The following PPP2R5C variants were observed in gnomAD, a reference collection of about 807,000 sequenced individuals.
The protein encoded by PPP2R5C is protein phosphatase 2 regulatory subunit B'gamma.
PPP2R5C carries 7 observed loss-of-function variants against 68.9 expected under a neutral mutation model. The ratio of observed to expected loss-of-function variants is 0.10; its 90% CI spans 0.06 to 0.19. The LOEUF is 0.19. PPP2R5C is among the 10% of genes least tolerant of loss of function. The pLI is 1.00. For missense variants in PPP2R5C, 348 were observed against 641.3 expected (o/e 0.54, Z 4.94); for synonymous variants, 210 against 222.2 (o/e 0.95, Z 0.49).
chr14:101,804,115 G>A (rs1043299466), intron 3 of PPP2R5C, among the ~76,000 whole-genome samples: 4 of 152,198 alleles, frequency 2.6e-5, no homozygotes, highest in African/African-American at 9.7e-5. Flanking sequence ...ACAGGCCTAT[G>A]AAAAGGTGCT....
chr14:101,830,767 C>T (rs2040687416), intron 1 of PPP2R5C, among the ~76,000 whole-genome samples: 1 of 152,118 alleles, frequency 6.6e-6, no homozygotes. Flanking sequence ...TCAGTTTCAT[C>T]CAGCAAGGAA....
At position 101,877,247 on chromosome 14, in the gene PPP2R5C, C is replaced by T. The variant is rs1251961056; in HGVS notation, c.295-4914C>T. Among the ~76,000 whole-genome samples, 1 of 152,200 alleles carries T rather than the reference C, an allele frequency of 6.6e-6. No individual in the cohort carries two copies. The highest frequency in any genetic ancestry group is 1.9e-4 in the East Asian group (1 of 5,186). On this transcript the variant is annotated intron_variant, in intron 2 of 13. Transcript: ENST00000334743. The surrounding 1 kb of genome is among the most constrained non-coding windows in gnomAD (Gnocchi z 4.2). ...TACAGGCATGAGTCACCGCGCCTGG[C>T]CTTTACCCTTTCCAATGGAGGAGAA...
intron 10 of PPP2R5C, among the ~76,000 whole-genome samples, chr14:101,907,721 C>T (rs1285640475): frequency 1.3e-5 from 2 of 152,176 alleles, no homozygotes; most frequent in East Asian, 3.9e-4. Context: ...CCGGTGCGGT[C>T]TCCTAACTCG....
chr14:101,868,906 TTTTGTTTGTTTG>T (rs543692887), intron 2 of PPP2R5C, among the ~76,000 whole-genome samples: 3 of 151,930 alleles, frequency 2.0e-5, no homozygotes, highest in African/African-American at 7.3e-5. Context: ...TTTCTTTTGG[TTTTGTTTGTTTG>T]TTTGTTTGTT....
At chr14:101,810,732 A>G (rs2039312283) in intron 1 of PPP2R5C, among the ~76,000 whole-genome samples, 1 of 152,210 alleles carries the variant, frequency 6.6e-6, no homozygotes, top group African/African-American at 2.4e-5. Context: ...AGGTATATAG[A>G]GATCACTGTT....
intron 13 of PPP2R5C, chr14:101,921,915 A>C: frequency 1.1e-6 from 1 of 901,302 alleles, no homozygotes; most frequent in Non-Finnish European, 1.3e-6. Flanking sequence ...AAAGAAAACT[A>C]GCAAATATCA....
At chr14:101,885,083 G>A (rs1158137737) in intron 5 of PPP2R5C, among the ~76,000 whole-genome samples, 1 of 152,216 alleles carries the variant, frequency 6.6e-6, no homozygotes, top group African/African-American at 2.4e-5. Flanking sequence ...CGGTATGATG[G>A]CGTGTCTCTG....
chr14:101,857,843 AT>A (rs558100430), intron 2 of PPP2R5C, among the ~76,000 whole-genome samples: 1 of 151,740 alleles, frequency 6.6e-6, no homozygotes. Context: ...TAAGTTACTG[AT>A]TTTTTTTTCC....
chr14:101,912,321 C>A, intron 11 of PPP2R5C, 80 bp from the exon 14 acceptor site: 1 of 1,260,180 alleles, frequency 7.9e-7, no homozygotes, highest in Non-Finnish European at 1.1e-6. Flanking sequence ...CTGGGCTCAA[C>A]ATGCCTGTGC....
intron 2 of PPP2R5C, among the ~76,000 whole-genome samples, chr14:101,860,744 G>A (rs576986772): frequency 6.6e-6 from 1 of 152,268 alleles, no homozygotes; most frequent in Admixed American, 6.5e-5. Context: ...ACCTCATTGT[G>A]GTTTTGATGT....
chr14:101,773,194 G>T (rs371202145), intron 2 of PPP2R5C, among the ~76,000 whole-genome samples: 4 of 152,200 alleles, frequency 2.6e-5, no homozygotes, highest in Non-Finnish European at 4.4e-5. Flanking sequence ...CAGAAGTGGA[G>T]TGTGGAGCTG....
chr14:101,787,605 T>C (rs978899656), intron 3 of PPP2R5C, among the ~76,000 whole-genome samples: 1 of 151,644 alleles, frequency 6.6e-6, no homozygotes, highest in Non-Finnish European at 1.5e-5. Flanking sequence ...CTACTAAAAA[T>C]ACAAAAACAA....
At chr14:101,761,749 G>C, upstream of PPP2R5C, 1 of 979,934 alleles carries the variant, frequency 1.0e-6, no homozygotes, top group Non-Finnish European at 1.2e-6. Context: ...CTGGAAAAGG[G>C]GAAGCGAGAG....
rs554568183 is a variant in PPP2R5C, at chr14:101,773,657, G to C, written c.93+10687G>C. Among the ~76,000 whole-genome samples, 10 of 152,282 alleles carry C rather than the reference G, an allele frequency of 6.6e-5. No individual in the cohort carries two copies. In the East Asian group the frequency reaches 1.9e-3, roughly 29 times the overall value. ...TAAGATCTTATAAACAGCCTGCCTA[G>C]ACAGGGTTTTGGGATTTTGGCAGGG... On this transcript the variant is annotated intron_variant, in intron 2 of 14. Transcript: ENST00000328724.
At chr14:101,898,961 T>A (rs1302033623) in intron 8 of PPP2R5C, among the ~76,000 whole-genome samples, 1 of 152,156 alleles carries the variant, frequency 6.6e-6, no homozygotes, top group African/African-American at 2.4e-5. Context: ...GGTGTCCACG[T>A]CCATCTCCCA....
At chr14:101,767,550 G>A (rs2036921970) in intron 2 of PPP2R5C, among the ~76,000 whole-genome samples, 2 of 152,080 alleles carry the variant, frequency 1.3e-5, no homozygotes, top group Non-Finnish European at 2.9e-5. Context: ...CTATGCCTTA[G>A]CTTCCATCAG....
At chr14:101,858,052 C>G (rs1373814969) in intron 2 of PPP2R5C, among the ~76,000 whole-genome samples, 1 of 152,194 alleles carries the variant, frequency 6.6e-6, no homozygotes, top group African/African-American at 2.4e-5. Flanking sequence ...ACTGGCATGG[C>G]TACCATGTAG....
intron 2 of PPP2R5C, among the ~76,000 whole-genome samples, chr14:101,869,969 C>T (rs891614560): frequency 2.7e-5 from 4 of 150,176 alleles, no homozygotes; most frequent in Admixed American, 6.6e-5. Flanking sequence ...TTTTTCCCTG[C>T]GCTTTTTGTC....
intron 3 of PPP2R5C, among the ~76,000 whole-genome samples, chr14:101,798,717 A>G (rs2038728191): frequency 6.6e-6 from 1 of 152,262 alleles, no homozygotes; most frequent in Non-Finnish European, 1.5e-5. Context: ...TGTGGAAGGT[A>G]TGCTAGGTGG....
Sources: allele counts gnomAD v4.1 joint callset (sites outside exome capture counted in the v4.1 genomes callset), GRCh38; gene constraint gnomAD v4.1.1; non-coding constraint Gnocchi (gnomAD v3.1); transcripts MANE v1.5; gene names NCBI Gene and HGNC (gene_info 2026-07-23, HGNC 2026-07-21).